Variants in SIDT1 observed in about 807,000 individuals in gnomAD.
The protein encoded by SIDT1 is SID1 transmembrane family, member 1.
In SIDT1, 101 loss-of-function variants were observed where a neutral mutation model predicts 107.5. The observed-to-expected ratio is 0.94, with a 90% confidence interval of 0.80 to 1.11. SIDT1 has a LOEUF of 1.11. Ranked by LOEUF, SIDT1 falls within the 50% of genes least tolerant of loss-of-function variation. The pLI is 0.00. For synonymous variants in SIDT1, 395 were observed against 398.2 expected (o/e 0.99, Z 0.10); for missense variants, 1,076 against 1,058.2 (o/e 1.02, Z -0.23).
At position 113,577,320 on chromosome 3, in the gene SIDT1, C is replaced by T. The variant is rs548994207; in HGVS notation, c.561+353C>T. 7.2e-5 allele frequency among the ~76,000 whole-genome samples: 11 copies of T among 152,302 alleles called. No individual in the cohort carries two copies. The South Asian group carries it at 2.3e-3, about 32-fold the overall frequency. On this transcript the variant is annotated intron_variant, in intron 4 of 24. Coordinates refer to ENST00000264852, the MANE Select transcript of SIDT1 (RefSeq NM_017699.3). Reference sequence around the variant, plus strand: ...AAGAACGGAGAGACACAACTTCTGCCATTATGAACCTGATAGCTGGGAAGT... The same window carrying T: ...AAGAACGGAGAGACACAACTTCTGCTATTATGAACCTGATAGCTGGGAAGT...
intron 21 of SIDT1, among the ~76,000 whole-genome samples, chr3:113,622,363 C>A (rs1011388885): frequency 1.4e-5 from 2 of 146,764 alleles, no homozygotes; most frequent in African/African-American, 5.0e-5. Flanking sequence ...ACTCCAGAGG[C>A]TGTGGCAGAG....
Position 113,583,456 on chromosome 3 carries a change from G to T in SIDT1, c.795G>T (p.Lys265Asn), listed in dbSNP as rs1436670975. The T allele has an allele frequency of 5.0e-6, 8 of 1,600,680 alleles. No individual in the cohort carries two copies. The African/African-American group carries it at 6.7e-5, about 13-fold the overall frequency. ...AGTTCTTCGTGGTATTTGTGATAAAGCCTGAAGATTATGCCTGTGGAGGAT... is the reference window on the plus strand; with the variant it reads ...AGTTCTTCGTGGTATTTGTGATAAATCCTGAAGATTATGCCTGTGGAGGAT... The part of the protein sequence containing the change: ...GEQFFVVFVI[K>N]PEDYACGGSF... Residue 265 changes from lysine to asparagine, a missense_variant, in exon 7 of 25, where the codon AAG becomes AAT. By Grantham distance (94) the Lys-to-Asn change is moderately conservative (BLOSUM62 0). Transcript: ENST00000264852.
rs1939083921 is a variant in SIDT1 at position 113,542,902 on chromosome 3, T to TGTG, written c.222+9659_222+9660insGTG. Among the ~76,000 whole-genome samples the TGTG allele has an allele frequency of 3.9e-4, 56 of 145,246 alleles. No homozygotes were observed. The East Asian group carries it at 5.9e-3, about 15-fold the overall frequency. ...AGACTTTTAATTAGTTTTTGCTTGG[T>TGTG]TGTGTGTGTGTGTGTGTGTGTGTGT... On this transcript the variant is annotated intron_variant, in intron 1 of 24. Coordinates refer to ENST00000264852, the MANE Select transcript of SIDT1 (RefSeq NM_017699.3).
Position 113,566,546 on chromosome 3 carries a change from GTGGGTT to G in SIDT1, c.344+7_344+12del. ...TCCTCTGCTCTTCCAAGGACTGTAA[GTGGGTT>G]TTCTTCCAGGCAACTTCACTATGTT... On this transcript the variant is annotated splice_donor_region_variant and intron_variant, in intron 2 of 24. Transcript: ENST00000264852. 6.2e-7 allele frequency: 1 copy of G among 1,612,180 alleles called. No homozygotes were observed. Among genetic ancestry groups the G allele is most frequent in the South Asian group, 1.1e-5 (1 of 90,722 alleles).
intron 10 of SIDT1, among the ~76,000 whole-genome samples, chr3:113,597,422 G>C (rs13058808): frequency 2.7e-5 from 4 of 149,832 alleles, no homozygotes; most frequent in Non-Finnish European, 4.4e-5. Context: ...ACTTGAACCC[G>C]GGAGGCAGAG....
intron 1 of SIDT1, among the ~76,000 whole-genome samples, chr3:113,552,213 C>T (rs1313736692): frequency 4.6e-5 from 7 of 152,170 alleles, no homozygotes; most frequent in African/African-American, 1.4e-4. Flanking sequence ...ATTTGCGCTC[C>T]CTTTCTCTCC....
chr3:113,591,354 A>G (rs1451263353), intron 9 of SIDT1, among the ~76,000 whole-genome samples: 1 of 152,224 alleles, frequency 6.6e-6, no homozygotes, highest in Non-Finnish European at 1.5e-5. Flanking sequence ...TATACATGAC[A>G]ATAGTTCCCA....
chr3:113,609,274 C>A (rs570159995), intron 17 of SIDT1, among the ~76,000 whole-genome samples: 45 of 151,926 alleles, frequency 3.0e-4, no homozygotes, highest in African/African-American at 1.1e-3. Flanking sequence ...CCATGTTGGC[C>A]GGGCTGGTCT....
chr3:113,584,807 G>C, intron 8 of SIDT1, 38 bp downstream of exon 8: 5 of 1,386,672 alleles, frequency 3.6e-6, no homozygotes, highest in Non-Finnish European at 5.0e-6. Flanking sequence ...AGAGATTCCT[G>C]TGTCAGAAAA....
At chr3:113,634,518 C>T (rs1439072204), downstream of SIDT1, among the ~76,000 whole-genome samples, 1 of 151,876 alleles carries the variant, frequency 6.6e-6, no homozygotes, top group Non-Finnish European at 1.5e-5. Flanking sequence ...AGGTATGGCC[C>T]GGCACAGTGG....
intron 3 of SIDT1, among the ~76,000 whole-genome samples, chr3:113,573,790 C>A (rs28674622): frequency 0.46 from 69,486 of 152,024 alleles, 17,795 homozygotes; most frequent in Admixed American, 0.59. Flanking sequence ...TGATCTTGAA[C>A]CTGCTAGCCT....
intron 17 of SIDT1, among the ~76,000 whole-genome samples, chr3:113,609,091 C>G (rs1465440887): frequency 9.5e-6 from 1 of 104,886 alleles, no homozygotes; most frequent in Non-Finnish European, 1.7e-5. Flanking sequence ...TTGACAGAAT[C>G]TGGCTCTGTC....
intron 1 of SIDT1, among the ~76,000 whole-genome samples, chr3:113,563,066 C>A (rs1941574181): frequency 6.6e-6 from 1 of 152,100 alleles, no homozygotes; most frequent in South Asian, 2.1e-4. Flanking sequence ...TAAGAATGAG[C>A]AAGATATCCA....
chr3:113,553,539 A>T (rs527310550), intron 1 of SIDT1, among the ~76,000 whole-genome samples: 16 of 152,344 alleles, frequency 1.1e-4, no homozygotes, highest in African/African-American at 3.8e-4. Flanking sequence ...CCAGAAAAAT[A>T]ATTATTTTTC....
chr3:113,545,721 T>C (rs1249864803), intron 1 of SIDT1, among the ~76,000 whole-genome samples: 1 of 152,216 alleles, frequency 6.6e-6, no homozygotes, highest in Non-Finnish European at 1.5e-5. Flanking sequence ...GAATTTGCAG[T>C]TAAAGAGATA....
At chr3:113,542,139 T>C (rs1938978993) in intron 1 of SIDT1, among the ~76,000 whole-genome samples, 1 of 151,962 alleles carries the variant, frequency 6.6e-6, no homozygotes, top group African/African-American at 2.4e-5. Context: ...GCCAGGCTGT[T>C]CTCAAACTCC....
At chr3:113,541,350 A>G (rs1938838053) in intron 1 of SIDT1, among the ~76,000 whole-genome samples, 3 of 152,196 alleles carry the variant, frequency 2.0e-5, no homozygotes, top group Non-Finnish European at 4.4e-5. Context: ...TTGTATTTTT[A>G]GTAGAGAAGG....
downstream of SIDT1, among the ~76,000 whole-genome samples, chr3:113,633,487 A>G (rs983804779): frequency 1.3e-5 from 2 of 152,208 alleles, no homozygotes; most frequent in South Asian, 2.1e-4. Context: ...TCAAGCAGTT[A>G]GTGATTTCTG....
chr3:113,589,128 T>C (rs939086899), intron 9 of SIDT1, among the ~76,000 whole-genome samples: 4 of 152,222 alleles, frequency 2.6e-5, no homozygotes, highest in Admixed American at 1.3e-4. Context: ...CCTCATTCAA[T>C]TGGCCAAAAT....
Sources: allele counts gnomAD v4.1 joint callset (sites outside exome capture counted in the v4.1 genomes callset), GRCh38; gene constraint gnomAD v4.1.1; transcripts MANE v1.5; gene names NCBI Gene and HGNC (gene_info 2026-07-23, HGNC 2026-07-21).